EPHB1: variants seen among roughly 807,000 people sequenced by gnomAD.
EPHB1 encodes ephrin type-B receptor 1.
Under a neutral mutation model 94.4 loss-of-function variants are expected in EPHB1, and 30 were observed. That is an observed-to-expected ratio of 0.32 (90% CI 0.24 to 0.43). The LOEUF is 0.43. Among genes scored for constraint, EPHB1 ranks in the 20% least tolerant of loss-of-function variants. The pLI is 1.00. For missense variants in EPHB1, 1,055 were observed against 1,308.3 expected (o/e 0.81, Z 2.99); for synonymous variants, 522 against 489.1 (o/e 1.07, Z -0.89).
chr3:135,066,964 G>A (rs1385383107), intron 3 of EPHB1, among the ~76,000 whole-genome samples: 1 of 152,130 alleles, frequency 6.6e-6, no homozygotes, highest in Non-Finnish European at 1.5e-5. Flanking sequence ...CCTCTCTTCT[G>A]GGTCTAGACA....
In EPHB1 at chr3:135,033,608, C is replaced by A. The variant is rs1301003358; in HGVS notation, c.806-72840C>A. On this transcript the variant is annotated intron_variant, in intron 3 of 15. Transcript: ENST00000398015. Reference sequence around the variant, plus strand: ...TGCACAGGCATAGCACTGGGGATTCCACAGAGGTAAATTCTTCTTCGTAAT... The same window carrying A: ...TGCACAGGCATAGCACTGGGGATTCAACAGAGGTAAATTCTTCTTCGTAAT... Among the ~76,000 whole-genome samples the A allele has an allele frequency of 3.9e-5, 6 of 152,164 alleles. No individual in the cohort carries two copies. In the East Asian group the frequency reaches 9.6e-4, roughly 24 times the overall value.
At chr3:135,117,892 G>A (rs1189661830) in intron 4 of EPHB1, among the ~76,000 whole-genome samples, 1 of 151,806 alleles carries the variant, frequency 6.6e-6, no homozygotes, top group Admixed American at 6.5e-5. Flanking sequence ...GTAGTGAGAT[G>A]AAGCCAGGTG....
intron 3 of EPHB1, among the ~76,000 whole-genome samples, chr3:134,955,071 C>CTTTTTTTTTTTTTTTT (rs1197013147): frequency 1.2e-4 from 1 of 8,416 alleles, no homozygotes; most frequent in Non-Finnish European, 2.1e-4. Context: ...GACATCCTTT[C>CTTTTTTTTTTTTTTTT]TTTTTTTTTT....
intron 3 of EPHB1, among the ~76,000 whole-genome samples, chr3:135,060,051 G>A (rs758345170): frequency 1.6e-4 from 24 of 152,186 alleles, no homozygotes; most frequent in African/African-American, 3.6e-4. Context: ...TATATTTAAC[G>A]TACTGTAAAA....
chr3:134,817,578 A>G, intron 1 of EPHB1, among the ~76,000 whole-genome samples: 1 of 152,236 alleles, frequency 6.6e-6, no homozygotes, highest in East Asian at 1.9e-4. Flanking sequence ...CACATTTACC[A>G]GCTGCGTGAC....
chr3:135,100,693 A>C (rs2107796339), intron 3 of EPHB1, among the ~76,000 whole-genome samples: 1 of 152,180 alleles, frequency 6.6e-6, no homozygotes, highest in Middle Eastern at 3.4e-3. Context: ...ACAGGAGGAG[A>C]GGAGTGTCTC....
intron 1 of EPHB1, among the ~76,000 whole-genome samples, chr3:134,902,173 G>T (rs2038215676): frequency 6.6e-6 from 1 of 152,194 alleles, no homozygotes; most frequent in Non-Finnish European, 1.5e-5. Flanking sequence ...GGCTGATGCA[G>T]GTGCCTAGGA....
chr3:135,091,417 G>A (rs184090664), intron 3 of EPHB1, among the ~76,000 whole-genome samples: 1 of 152,302 alleles, frequency 6.6e-6, no homozygotes, highest in African/African-American at 2.4e-5. Context: ...GGTAGTTTGT[G>A]CCTGGAACAT....
chr3:134,947,339 C>A lies in EPHB1; in HGVS notation c.124-4032C>A, dbSNP rs904132107. ...TCTTCGACCCCCCCAGTTCTAATTA[C>A]CACTTGCTGTGGAAAGTATATGTGC... On this transcript the variant is annotated intron_variant, in intron 2 of 15. Coordinates refer to ENST00000398015, the MANE Select transcript of EPHB1 (RefSeq NM_004441.5). Among the ~76,000 whole-genome samples the A allele has an allele frequency of 3.3e-5, 5 of 152,328 alleles. No homozygotes were observed. The East Asian group carries it at 9.7e-4, about 29-fold the overall frequency.
chr3:135,076,274 A>G (rs913653660), intron 3 of EPHB1, among the ~76,000 whole-genome samples: 11 of 128,138 alleles, frequency 8.6e-5, no homozygotes, highest in Non-Finnish European at 1.2e-4. Context: ...TCTTAAATGC[A>G]TTAGTAAAAA....
At chr3:134,882,749 C>CCTT (rs2037763572) in intron 1 of EPHB1, among the ~76,000 whole-genome samples, 1 of 38,052 alleles carries the variant, frequency 2.6e-5, no homozygotes, top group African/African-American at 5.7e-5. Flanking sequence ...CTTCTTTCTT[C>CCTT]CTTTCTTCCT....
chr3:134,850,904 G>A (rs1278004850), intron 1 of EPHB1, among the ~76,000 whole-genome samples: 2 of 152,266 alleles, frequency 1.3e-5, no homozygotes, highest in African/African-American at 2.4e-5. Flanking sequence ...AGCCAGGGGG[G>A]CATTCATCTG....
In EPHB1 at chr3:135,004,697, AT is replaced by A. The variant is rs1326277850; in HGVS notation, c.805+52648del. Among the ~76,000 whole-genome samples, 7 of 150,596 alleles carry A rather than the reference AT, an allele frequency of 4.6e-5. No homozygotes were observed. In the East Asian group the frequency reaches 1.2e-3, roughly 25 times the overall value. On this transcript the variant is annotated intron_variant, in intron 3 of 15. Coordinates refer to ENST00000398015, the MANE Select transcript of EPHB1 (RefSeq NM_004441.5). ...TTCTCTAAACTTCCCTTCTCGCTTC[AT>A]TTCATTCATTTCATCTTCCATTACT...
At chr3:135,184,215 A>T (rs1165546588) in intron 10 of EPHB1, among the ~76,000 whole-genome samples, 1 of 152,124 alleles carries the variant, frequency 6.6e-6, no homozygotes, top group East Asian at 1.9e-4. Flanking sequence ...CATCAGGTTA[A>T]GGGAGAGTAA....
chr3:134,855,836 G>A (rs1176694815), intron 1 of EPHB1, among the ~76,000 whole-genome samples: 2 of 152,126 alleles, frequency 1.3e-5, no homozygotes, highest in Non-Finnish European at 2.9e-5. Flanking sequence ...ATGGTGCCTG[G>A]CACTCAACTG....
At chr3:134,889,397 A>C (rs548915923) in intron 1 of EPHB1, among the ~76,000 whole-genome samples, 1 of 152,216 alleles carries the variant, frequency 6.6e-6, no homozygotes, top group Non-Finnish European at 1.5e-5. Flanking sequence ...CCAGCCCCCA[A>C]GTCCTGCCAC....
chr3:134,918,531 T>C (rs969218915), intron 1 of EPHB1, among the ~76,000 whole-genome samples: 5 of 152,222 alleles, frequency 3.3e-5, no homozygotes, highest in African/African-American at 1.2e-4. Flanking sequence ...AGGAAGCCCA[T>C]CTGTAAACCA....
At chr3:135,147,816 C>T (rs1041007447) in intron 5 of EPHB1, among the ~76,000 whole-genome samples, 1 of 152,232 alleles carries the variant, frequency 6.6e-6, no homozygotes, top group Non-Finnish European at 1.5e-5. Context: ...CTGTGACCTA[C>T]ATCTTCCTAG....
chr3:134,823,262 A>T lies in EPHB1; in HGVS notation c.58+27573A>T, dbSNP rs565049958. 2.8e-3 allele frequency among the ~76,000 whole-genome samples: 422 copies of T among 152,342 alleles called. 1 individual carries two copies. Among genetic ancestry groups the T allele is most frequent in the African/African-American group, 9.5e-3 (396 of 41,582 alleles). On this transcript the variant is annotated intron_variant, in intron 1 of 15. Coordinates refer to ENST00000398015, the MANE Select transcript of EPHB1 (RefSeq NM_004441.5). ...TCAGAGAGAAGCCCTTTCTAGGTAG[A>T]ACTAGCTTAGCTGGCAGATCGCAGG...
Sources: allele counts gnomAD v4.1 joint callset (sites outside exome capture counted in the v4.1 genomes callset), GRCh38; gene constraint gnomAD v4.1.1; transcripts MANE v1.5; gene names NCBI Gene and HGNC (gene_info 2026-07-23, HGNC 2026-07-21).